The following MAPT variants were observed in gnomAD, a reference collection of about 807,000 sequenced individuals.
MAPT encodes the protein microtubule associated protein tau, also known as microtubule-associated protein tau.
In MAPT, 34 loss-of-function variants were observed where a neutral mutation model predicts 67.9. The ratio of observed to expected loss-of-function variants is 0.50; its 90% CI spans 0.38 to 0.67. The LOEUF (loss-of-function observed/expected upper bound fraction) is 0.67. Ranked by LOEUF, MAPT falls within the 30% of genes least tolerant of loss-of-function variation. The pLI, the probability that MAPT is intolerant of heterozygous loss-of-function variation, is 0.00. For synonymous variants in MAPT, 456 were observed against 464.5 expected, an observed-to-expected ratio of 0.98 and a Z score of 0.23; for missense variants, 881 against 1,115.2, an observed-to-expected ratio of 0.79 and a Z score of 2.99.
intron 3 of MAPT, chr17:45,975,059 TCAGA>T (rs966410272): frequency 2.0e-5 from 3 of 153,230 alleles, no homozygotes; most frequent in Non-Finnish European, 4.4e-5. Flanking sequence ...GGGGAATCAA[TCAGA>T]CAGGGCGCCG....
chr17:46,002,524 G>A (rs901502560), intron 9 of MAPT, among the ~76,000 whole-genome samples: 5 of 152,150 alleles, frequency 3.3e-5, no homozygotes, highest in South Asian at 2.1e-4. Context: ...GCATGGGGGG[G>A]CCTGGTTGGC....
intron 1 of MAPT, among the ~76,000 whole-genome samples, chr17:45,924,675 C>A (rs2066099911): frequency 6.6e-6 from 1 of 152,216 alleles, no homozygotes; most frequent in South Asian, 2.1e-4. Context: ...GTCAATAAGG[C>A]TGCTCCTGCC....
chr17:45,925,444 C>T (rs1289658236), intron 1 of MAPT, among the ~76,000 whole-genome samples: 2 of 152,364 alleles, frequency 1.3e-5, no homozygotes, highest in Admixed American at 6.5e-5. Context: ...CAGGAAGCAG[C>T]TTGTCAGTAT....
intron 2 of MAPT, among the ~76,000 whole-genome samples, chr17:45,967,960 C>T (rs1003937994): frequency 9.2e-5 from 14 of 152,102 alleles, no homozygotes; most frequent in African/African-American, 3.4e-4. Context: ...ACCCAGGGAC[C>T]TCACCTCCAT....
intron 1 of MAPT, among the ~76,000 whole-genome samples, chr17:45,941,070 G>T (rs2144887485): frequency 6.6e-6 from 1 of 152,276 alleles, no homozygotes; most frequent in South Asian, 2.1e-4. Context: ...CAGCCAGAGG[G>T]CTCCTGTTGG....
chr17:45,927,418 T>C (rs1386446678), intron 1 of MAPT, among the ~76,000 whole-genome samples: 2 of 152,076 alleles, frequency 1.3e-5, no homozygotes, highest in African/African-American at 2.4e-5. Context: ...TCAGGTGTGC[T>C]AATTCAGCAT....
chr17:45,944,629 C>T (rs1485404530), intron 1 of MAPT, among the ~76,000 whole-genome samples: 1 of 152,204 alleles, frequency 6.6e-6, no homozygotes, highest in Non-Finnish European at 1.5e-5. Context: ...CCAGCCCCTG[C>T]CATGAGGCCA....
chr17:45,901,653 T>C (rs553530521), intron 1 of MAPT, among the ~76,000 whole-genome samples: 1 of 152,336 alleles, frequency 6.6e-6, no homozygotes, highest in African/African-American at 2.4e-5. Context: ...AAAAAGTCAT[T>C]ATATCAGAAA....
At chr17:45,973,946 G>A (rs180843180) in intron 3 of MAPT, 8 of 183,698 alleles carry the variant, frequency 4.4e-5, no homozygotes, top group East Asian at 1.4e-4. Context: ...TGAGGAAACC[G>A]TCCAATCAAA....
chr17:45,992,891 CAA>C (rs1187123182), intron 8 of MAPT, among the ~76,000 whole-genome samples: 1,035 of 85,564 alleles, frequency 0.012, 5 homozygotes, highest in African/African-American at 0.04. Context: ...GATTCCTTCT[CAA>C]AAAAAAAAAA....
chr17:45,990,434 C>A (rs1043090281), intron 7 of MAPT: 1 of 428,796 alleles, frequency 2.3e-6, no homozygotes, highest in South Asian at 1.9e-5. Flanking sequence ...GCTAACATGG[C>A]AAAACCCTGT....
At chr17:45,986,357 A>C (rs9901937) in intron 5 of MAPT, among the ~76,000 whole-genome samples, 22,065 of 152,202 alleles carry the variant, frequency 0.14, 2,147 homozygotes, top group Non-Finnish European at 0.22. Flanking sequence ...AGCCTCTCCT[A>C]TTCTGGAGGC....
chr17:45,911,721 A>G (rs62056838), intron 1 of MAPT, among the ~76,000 whole-genome samples: 21,839 of 152,230 alleles, frequency 0.14, 2,142 homozygotes, highest in Middle Eastern at 0.22. Flanking sequence ...CCATGATGGC[A>G]CCACTGCACT....
intron 1 of MAPT, among the ~76,000 whole-genome samples, chr17:45,936,108 C>T (rs1275053059): frequency 6.6e-6 from 1 of 152,168 alleles, no homozygotes; most frequent in Non-Finnish European, 1.5e-5. Flanking sequence ...TTGTGTTGAC[C>T]GAGGGGTCAC....
At chr17:45,911,628 G>A (rs2064799782) in intron 1 of MAPT, among the ~76,000 whole-genome samples, 1 of 151,258 alleles carries the variant, frequency 6.6e-6, no homozygotes. Flanking sequence ...GCTGGGCATG[G>A]CGGTGTGCGC....
chr17:46,011,925 C>A (rs578140431), intron 10 of MAPT, among the ~76,000 whole-genome samples: 2 of 152,226 alleles, frequency 1.3e-5, no homozygotes, highest in African/African-American at 4.8e-5. Context: ...GGCTAACTAA[C>A]GCTTCCTCAC....
intron 1 of MAPT, among the ~76,000 whole-genome samples, chr17:45,917,292 G>A (rs1349146740): frequency 1.3e-5 from 2 of 152,230 alleles, no homozygotes; most frequent in African/African-American, 2.4e-5. Context: ...CGCTAAGGTC[G>A]AGTGGTCGGT....
In MAPT at chr17:45,944,501, C is replaced by T. The variant is rs115432356; in HGVS notation, c.-17-17820C>T. Among the ~76,000 whole-genome samples, 910 of 152,282 alleles carry T rather than the reference C, an allele frequency of 6.0e-3. 9 individuals carry two copies. Among genetic ancestry groups the T allele is most frequent in the African/African-American group, 0.021 (867 of 41,546 alleles). ...GTGGGGATAGATGCGCAAGTGGCAT[C>T]GCCACATCGTGAGTCCTGGCTTCAT... On this transcript the variant is annotated intron_variant, in intron 1 of 12. Transcript: ENST00000262410.
chr17:45,946,578 G>A (rs1368034818), intron 1 of MAPT, among the ~76,000 whole-genome samples: 1 of 124,074 alleles, frequency 8.1e-6, no homozygotes, highest in Non-Finnish European at 1.8e-5. Flanking sequence ...CAGCCTGGGC[G>A]ACCGAGGGGG....
Sources: gnomAD v4.1 joint callset for allele counts (sites outside exome capture counted in the v4.1 genomes callset) on GRCh38, gnomAD v4.1.1 for gene constraint, MANE v1.5 for transcripts, NCBI Gene and HGNC (gene_info 2026-07-23, HGNC 2026-07-21) for gene names.